Variants in SLC25A48 observed in about 807,000 individuals in gnomAD.
SLC25A48 encodes the protein CTC-321K16.1.
A neutral mutation model predicts 32.2 loss-of-function variants in SLC25A48; 29 were observed. The observed-to-expected ratio is 0.90, with a 90% CI of 0.67 to 1.23. SLC25A48 has a LOEUF of 1.23. Ranked by LOEUF, SLC25A48 falls within the 50% of genes most tolerant of loss-of-function variation. The probability of loss-of-function intolerance (pLI) is 0.00; values close to 1 mark genes in which losing one functional copy is unlikely to be tolerated. For missense variants in SLC25A48, 399 were observed against 422.7 expected, an observed-to-expected ratio of 0.94 and a Z score of 0.49; for synonymous variants, 164 against 172.3, an observed-to-expected ratio of 0.95 and a Z score of 0.38.
chr5:135,836,602 T>G (rs1049880935), intron 1 of SLC25A48, among the ~76,000 whole-genome samples: 13 of 152,236 alleles, frequency 8.5e-5, no homozygotes. Flanking sequence ...CCCAGTAAGA[T>G]CCCTCATTTG....
chr5:135,842,393 A>G (rs747915835), intron 1 of SLC25A48, 23 bp from the exon 2 acceptor site: 1 of 1,613,458 alleles, frequency 6.2e-7, no homozygotes, highest in Non-Finnish European at 8.5e-7. Context: ...CTGAGTTACT[A>G]GGCATTCTTT....
intron 3 of SLC25A48, among the ~76,000 whole-genome samples, chr5:135,645,775 T>C (rs982748881): frequency 6.6e-6 from 1 of 152,208 alleles, no homozygotes; most frequent in African/African-American, 2.4e-5. Flanking sequence ...AAAGCATAGA[T>C]ACCCAAAAGA....
chr5:135,834,985 G>A, intron 1 of SLC25A48, 92 bp downstream of exon 1: 1 of 1,422,704 alleles, frequency 7.0e-7, no homozygotes, highest in Non-Finnish European at 9.7e-7. Context: ...TCTGTGCGCT[G>A]CCATCCCGCT....
At chr5:135,887,292 A>T (rs920543412) in intron 7 of SLC25A48, among the ~76,000 whole-genome samples, 2 of 152,114 alleles carry the variant, frequency 1.3e-5, no homozygotes, top group African/African-American at 4.8e-5. Context: ...CTTTTAGTCT[A>T]TGGGTTATCA....
chr5:135,743,052 T>C (rs973460627), intron 3 of SLC25A48, among the ~76,000 whole-genome samples: 4 of 25,008 alleles, frequency 1.6e-4, no homozygotes, highest in Non-Finnish European at 2.3e-4. Context: ...TCCCCTCCCC[T>C]CCCCTCCCTT....
chr5:135,755,751 A>G (rs1254438241), intron 3 of SLC25A48, among the ~76,000 whole-genome samples: 1 of 151,706 alleles, frequency 6.6e-6, no homozygotes, highest in Non-Finnish European at 1.5e-5. Context: ...GCTGTGATAT[A>G]TATATATGGT....
At chr5:135,791,306 A>G (rs1167041757) in intron 3 of SLC25A48, among the ~76,000 whole-genome samples, 1 of 151,840 alleles carries the variant, frequency 6.6e-6, no homozygotes, top group Admixed American at 6.6e-5. Context: ...GGTGAATGTT[A>G]CTTCTGATGT....
At chr5:135,852,442 C>G in intron 3 of SLC25A48, 121 bp from the exon 4 acceptor site, 1 of 1,260,912 alleles carries the variant, frequency 7.9e-7, no homozygotes, top group South Asian at 1.5e-5. Flanking sequence ...CATCAGCACC[C>G]TCTTCCCCTC....
intron 3 of SLC25A48, among the ~76,000 whole-genome samples, chr5:135,714,042 C>A (rs1754737005): frequency 6.6e-6 from 1 of 152,164 alleles, no homozygotes; most frequent in Non-Finnish European, 1.5e-5. Flanking sequence ...AAATGGTCTC[C>A]CGGTTGTGAG....
chr5:135,640,271 TG>T, intron 3 of SLC25A48, among the ~76,000 whole-genome samples: 1 of 152,312 alleles, frequency 6.6e-6, no homozygotes, highest in South Asian at 2.1e-4. Flanking sequence ...TCATGTCCTA[TG>T]GGAAAATAGC....
intron 3 of SLC25A48, among the ~76,000 whole-genome samples, chr5:135,753,601 A>C (rs760552801): frequency 6.6e-6 from 1 of 151,560 alleles, no homozygotes; most frequent in South Asian, 2.1e-4. Flanking sequence ...ATTATGCCTG[A>C]TATAACAGGG....
chr5:135,596,228 G>T (rs1374433094), intron 1 of SLC25A48, among the ~76,000 whole-genome samples: 1 of 152,158 alleles, frequency 6.6e-6, no homozygotes, highest in Admixed American at 6.5e-5. Context: ...GGAGCCCTAG[G>T]GGTGTTTTTT....
chr5:135,728,536 CTTAAGG>C (rs1383823256), intron 3 of SLC25A48, among the ~76,000 whole-genome samples: 4 of 152,046 alleles, frequency 2.6e-5, no homozygotes, highest in Non-Finnish European at 5.9e-5. Flanking sequence ...CTGTTGCATA[CTTAAGG>C]GTGTTTCTTT....
At chr5:135,878,796 A>C (rs1421374022) in intron 6 of SLC25A48, among the ~76,000 whole-genome samples, 1 of 152,162 alleles carries the variant, frequency 6.6e-6, no homozygotes, top group East Asian at 1.9e-4. Flanking sequence ...ACAGTTCTCA[A>C]GTCATTTACG....
At chr5:135,648,666 G>A (rs801564) in intron 3 of SLC25A48, 41,990 of 152,160 alleles carry the variant, frequency 0.28, 6,334 homozygotes, top group East Asian at 0.63. Context: ...ATCCTAGAGG[G>A]AACAGAGACT....
At chr5:135,771,969 G>A (rs1289108642) in intron 3 of SLC25A48, among the ~76,000 whole-genome samples, 1 of 151,032 alleles carries the variant, frequency 6.6e-6, no homozygotes, top group Non-Finnish European at 1.5e-5. Flanking sequence ...GGGGCAAAGA[G>A]GGTGATATCA....
intron 1 of SLC25A48, among the ~76,000 whole-genome samples, chr5:135,841,653 G>T (rs192976101): frequency 1.3e-5 from 2 of 151,832 alleles, no homozygotes; most frequent in East Asian, 3.9e-4. Flanking sequence ...ACAGGACAAA[G>T]AAAATCTGGC....
chr5:135,617,298 G>T (rs957003563), intron 1 of SLC25A48, among the ~76,000 whole-genome samples: 1 of 151,970 alleles, frequency 6.6e-6, no homozygotes, highest in African/African-American at 2.4e-5. Flanking sequence ...GGTATGAGTT[G>T]TAATGTCTCC....
chr5:135,742,307 C>T (rs900148203), intron 3 of SLC25A48, among the ~76,000 whole-genome samples: 5 of 152,212 alleles, frequency 3.3e-5, no homozygotes, highest in African/African-American at 1.2e-4. Flanking sequence ...TCTCAAACTC[C>T]TGGCCTCAAG....
Sources: gnomAD v4.1 joint callset for allele counts (sites outside exome capture counted in the v4.1 genomes callset) on GRCh38, gnomAD v4.1.1 for gene constraint, MANE v1.5 for transcripts, NCBI Gene and HGNC (gene_info 2026-07-23, HGNC 2026-07-21) for gene names.